PCDH15: variants seen among roughly 807,000 people sequenced by gnomAD.
PCDH15 encodes the protein protocadherin-15.
In PCDH15, 129 loss-of-function variants were observed where a neutral mutation model predicts 178.5. The ratio of observed to expected loss-of-function variants is 0.72; its 90% CI spans 0.63 to 0.84. The LOEUF (loss-of-function observed/expected upper bound fraction) is 0.84, where lower values mean the gene tolerates loss of function less well. PCDH15 is among the 40% of genes least tolerant of loss of function. PCDH15 has a pLI of 0.00. For missense variants in PCDH15, 2,230 were observed against 2,099.9 expected, an observed-to-expected ratio of 1.06 and a Z score of -1.21; for synonymous variants, 800 against 732.0, an observed-to-expected ratio of 1.09 and a Z score of -1.50.
At chr10:54,887,977 T>C (rs545498350) in intron 3 of PCDH15, among the ~76,000 whole-genome samples, 23 of 152,266 alleles carry the variant, frequency 1.5e-4, no homozygotes, top group Non-Finnish European at 2.8e-4. Flanking sequence ...GAACTTTTGC[T>C]GATGTCTCTG....
intron 2 of PCDH15, among the ~76,000 whole-genome samples, chr10:55,362,694 G>A (rs1023699774): frequency 5.3e-5 from 8 of 152,076 alleles, no homozygotes; most frequent in South Asian, 2.1e-4. Flanking sequence ...AGGTCTATGC[G>A]ATTTTCTCTC....
intron 8 of PCDH15, among the ~76,000 whole-genome samples, chr10:54,280,405 C>A (rs1284745944): frequency 6.6e-6 from 1 of 151,422 alleles, no homozygotes; most frequent in Non-Finnish European, 1.5e-5. Context: ...CTTCATATTT[C>A]CTTCTCTACA....
intron 3 of PCDH15, among the ~76,000 whole-genome samples, chr10:54,845,223 A>T (rs1953487919): frequency 6.6e-6 from 1 of 151,808 alleles, no homozygotes; most frequent in South Asian, 2.1e-4. Flanking sequence ...TCATTATGGC[A>T]AGAAAATAGC....
chr10:55,544,174 A>G (rs1444215135), intron 2 of PCDH15, among the ~76,000 whole-genome samples: 1 of 139,478 alleles, frequency 7.2e-6, no homozygotes, highest in East Asian at 2.1e-4. Context: ...ATATATATAT[A>G]TTATACTGAC....
At chr10:54,176,116 T>G (rs1051493118) in intron 13 of PCDH15, among the ~76,000 whole-genome samples, 1 of 152,168 alleles carries the variant, frequency 6.6e-6, no homozygotes, top group African/African-American at 2.4e-5. Context: ...TATCTAAAAT[T>G]AGGTGTTTTC....
intron 2 of PCDH15, among the ~76,000 whole-genome samples, chr10:55,482,545 G>A (rs1225893785): frequency 2.0e-5 from 3 of 151,752 alleles, no homozygotes. Context: ...TTGCTTGTTT[G>A]AAAAGGATCT....
chr10:55,587,898 T>C (rs903465290), intron 2 of PCDH15, among the ~76,000 whole-genome samples: 7 of 152,062 alleles, frequency 4.6e-5, no homozygotes, highest in South Asian at 2.1e-4. Flanking sequence ...ACCAGAATAA[T>C]GTCAGTCATA....
At chr10:54,662,033 A>G (rs1216154647) in intron 2 of PCDH15, among the ~76,000 whole-genome samples, 1 of 152,068 alleles carries the variant, frequency 6.6e-6, no homozygotes, top group Non-Finnish European at 1.5e-5. Context: ...CAAATGCAAC[A>G]TAAACAAAAG....
chr10:54,493,833 A>G (rs576697569), intron 3 of PCDH15, among the ~76,000 whole-genome samples: 1 of 152,256 alleles, frequency 6.6e-6, no homozygotes, highest in East Asian at 1.9e-4. Flanking sequence ...TTTGGAACCA[A>G]TCCAAATATC....
intron 1 of PCDH15, among the ~76,000 whole-genome samples, chr10:55,200,867 C>T (rs1840226592): frequency 6.6e-6 from 1 of 152,046 alleles, no homozygotes; most frequent in Admixed American, 6.5e-5. Context: ...TCCCCTTCTG[C>T]CATGATTATA....
chr10:55,497,180 A>C (rs989522423), intron 2 of PCDH15, among the ~76,000 whole-genome samples: 4 of 151,916 alleles, frequency 2.6e-5, no homozygotes, highest in African/African-American at 9.7e-5. Flanking sequence ...CCCAGGCTGA[A>C]GTACAGTGCT....
intron 35 of PCDH15, among the ~76,000 whole-genome samples, chr10:53,815,421 T>A (rs1209746779): frequency 6.6e-6 from 1 of 152,194 alleles, no homozygotes; most frequent in Non-Finnish European, 1.5e-5. Flanking sequence ...AGGTCTTGCA[T>A]AAAGTCATTG....
intron 5 of PCDH15, among the ~76,000 whole-genome samples, chr10:54,367,656 G>A (rs956892123): frequency 6.6e-6 from 1 of 151,836 alleles, no homozygotes; most frequent in African/African-American, 2.4e-5. Context: ...GGGCCTGTTG[G>A]GGGAGTGAGG....
Position 55,578,363 on chromosome 10 carries a change from G to A in PCDH15, c.-156+49262C>T, listed in dbSNP as rs183337534. 9.4e-3 allele frequency among the ~76,000 whole-genome samples: 1,427 copies of A among 151,924 alleles called. 12 individuals carry two copies. Among genetic ancestry groups the A allele is most frequent in the South Asian group, 0.017 (81 of 4,800 alleles). On this transcript the variant is annotated intron_variant, in intron 2 of 5. Coordinates refer to the PCDH15 transcript ENST00000613346. ...CTCCTGAGTAGCTGGGATTACAGGC[G>A]CCTGCCACCAAGCCTGGCTAATTGT...
chr10:54,177,983 A>T (rs2047607841), intron 13 of PCDH15, among the ~76,000 whole-genome samples: 1 of 152,120 alleles, frequency 6.6e-6, no homozygotes, highest in South Asian at 2.1e-4. Context: ...AGACAAGTAT[A>T]TATAGAGGTG....
intron 4 of PCDH15, among the ~76,000 whole-genome samples, chr10:54,375,289 G>T (rs1377993022): frequency 6.6e-6 from 1 of 151,962 alleles, no homozygotes; most frequent in East Asian, 1.9e-4. Context: ...AACACTTAAA[G>T]TCAAATGAAA....
chr10:54,255,977 A>AAGAAT (rs1478171013), intron 8 of PCDH15, among the ~76,000 whole-genome samples: 1 of 152,178 alleles, frequency 6.6e-6, no homozygotes, highest in East Asian at 1.9e-4. Context: ...TATATGAAAT[A>AAGAAT]AACATCTGAT....
At chr10:54,639,214 T>C (rs1405999965) in intron 2 of PCDH15, among the ~76,000 whole-genome samples, 3 of 152,150 alleles carry the variant, frequency 2.0e-5, no homozygotes, top group Admixed American at 6.6e-5. Context: ...TTTGTTACAT[T>C]GTACACATGT....
chr10:54,217,840 G>T (rs191020738), intron 9 of PCDH15, among the ~76,000 whole-genome samples: 191 of 152,270 alleles, frequency 1.3e-3, no homozygotes, highest in African/African-American at 4.6e-3. Context: ...TGAAACATCT[G>T]CTCACACTAA....
Sources: gnomAD v4.1 joint callset for allele counts (sites outside exome capture counted in the v4.1 genomes callset) on GRCh38, gnomAD v4.1.1 for gene constraint, MANE v1.5 for transcripts, NCBI Gene and HGNC (gene_info 2026-07-23, HGNC 2026-07-21) for gene names.